The following GPHN variants were observed in gnomAD, a reference collection of about 807,000 sequenced individuals.
GPHN encodes the protein gephyrin.
Under a neutral mutation model 95.5 loss-of-function variants are expected in GPHN, and 17 were observed. The ratio of observed to expected loss-of-function variants is 0.18; its 90% CI spans 0.12 to 0.27. The LOEUF is 0.27. Ranked by LOEUF, GPHN falls within the 10% of genes least tolerant of loss-of-function variation. The probability of loss-of-function intolerance (pLI) is 1.00; values close to 1 mark genes in which losing one functional copy is unlikely to be tolerated. For missense variants in GPHN, 660 were observed against 978.1 expected, an observed-to-expected ratio of 0.67 and a Z score of 4.34; for synonymous variants, 320 against 322.5, an observed-to-expected ratio of 0.99 and a Z score of 0.08.
At chr14:66,601,064 CATACT>C (rs2062212841) in intron 1 of GPHN, among the ~76,000 whole-genome samples, 1 of 151,988 alleles carries the variant, frequency 6.6e-6, no homozygotes, top group African/African-American at 2.4e-5. Flanking sequence ...TATTATAACA[CATACT>C]ATACAATAAA....
intron 4 of GPHN, among the ~76,000 whole-genome samples, chr14:66,860,797 C>T (rs1397561044): frequency 6.6e-6 from 1 of 151,862 alleles, no homozygotes; most frequent in Non-Finnish European, 1.5e-5. Context: ...TTTCTATATG[C>T]AATCAATGTT....
chr14:67,231,317 T>C, the GPHN span, among the ~76,000 whole-genome samples: 1 of 152,232 alleles, frequency 6.6e-6, no homozygotes, highest in African/African-American at 2.4e-5. Flanking sequence ...TTTAAGGTGA[T>C]GAAAATGTTC....
At chr14:67,004,889 A>G (rs1484665900) in intron 9 of GPHN, among the ~76,000 whole-genome samples, 1 of 151,732 alleles carries the variant, frequency 6.6e-6, no homozygotes, top group African/African-American at 2.4e-5. Flanking sequence ...GCAAGGCATG[A>G]CATTACTCTT....
chr14:67,336,805 T>C, the GPHN span: 68 of 454,880 alleles, frequency 1.5e-4, no homozygotes, highest in Non-Finnish European at 4.9e-5. Context: ...AGTTGTTGGT[T>C]TTCCAGTCAT....
rs200896280 is a variant in GPHN at position 66,546,377 on chromosome 14, G to A, written c.64+37786G>A. ...CACTTCCCAGACGGGGTGGCGGCCG[G>A]GCAGAGGCTGCAATCTCGGCACTTT... is the stretch of plus-strand genomic sequence containing the variant. On this transcript the variant is annotated intron_variant, in intron 1 of 22. Coordinates refer to ENST00000478722, the MANE Select transcript of GPHN (RefSeq NM_020806.5). 1.8e-3 allele frequency among the ~76,000 whole-genome samples: 275 copies of A among 152,218 alleles called. 6 individuals are homozygous for A. The East Asian group carries it at 0.051, about 28-fold the overall frequency.
At chr14:66,878,253 A>T (rs2153532609) in intron 4 of GPHN, among the ~76,000 whole-genome samples, 1 of 152,326 alleles carries the variant, frequency 6.6e-6, no homozygotes, top group African/African-American at 2.4e-5. Context: ...TACATGTAAG[A>T]CCTAAAACTA....
chr14:67,390,651 A>G, the GPHN span: 4 of 1,584,054 alleles, frequency 2.5e-6, no homozygotes, highest in Non-Finnish European at 3.5e-6. Context: ...TGGAGCCAGC[A>G]TGCGCACTCA....
chr14:66,958,789 T>G (rs2068701972), intron 8 of GPHN, among the ~76,000 whole-genome samples: 1 of 152,226 alleles, frequency 6.6e-6, no homozygotes, highest in East Asian at 1.9e-4. Context: ...TATTTTTAAT[T>G]CATTCTGCCA....
chr14:67,186,712 C>A (rs929023833), downstream of GPHN, among the ~76,000 whole-genome samples: 1 of 152,192 alleles, frequency 6.6e-6, no homozygotes, highest in Non-Finnish European at 1.5e-5. Context: ...AACAGCAGGT[C>A]AACTAGAGGG....
At chr14:67,429,632 A>T in the GPHN span, among the ~76,000 whole-genome samples, 1 of 151,996 alleles carries the variant, frequency 6.6e-6, no homozygotes, top group African/African-American at 2.4e-5. Flanking sequence ...GCTACTCAGG[A>T]GGCTGAGGCA....
chr14:67,392,925 G>T, the GPHN span: 1 of 1,274,082 alleles, frequency 7.8e-7, no homozygotes, highest in South Asian at 1.4e-5. Flanking sequence ...TGACCTCACT[G>T]ACCTTGGCCC....
the GPHN span, chr14:67,657,163 T>G: frequency 6.6e-6 from 1 of 152,200 alleles, no homozygotes; most frequent in South Asian, 2.1e-4. Context: ...CTGGCCTGAC[T>G]CACTTGGCTT....
At chr14:66,921,023 C>T (rs141162001) in intron 6 of GPHN, among the ~76,000 whole-genome samples, 198 of 152,196 alleles carry the variant, frequency 1.3e-3, no homozygotes, top group East Asian at 2.9e-3. Flanking sequence ...GTTGGTTCCA[C>T]GATTTTGCAA....
the GPHN span, chr14:67,725,227 C>T: frequency 2.6e-5 from 42 of 1,613,540 alleles, no homozygotes; most frequent in South Asian, 3.3e-5. Context: ...CAAATCTATC[C>T]GAGCCTTTGC....
intron 4 of GPHN, among the ~76,000 whole-genome samples, chr14:66,840,339 C>A (rs185225711): frequency 1.9e-4 from 29 of 152,066 alleles, no homozygotes; most frequent in South Asian, 1.0e-3. Context: ...AGTATACATT[C>A]CCCCAAACAT....
At chr14:66,508,689 A>C in intron 1 of GPHN, 98 bp downstream of exon 1, 1 of 1,105,476 alleles carries the variant, frequency 9.0e-7, no homozygotes, top group Non-Finnish European at 1.4e-6. Flanking sequence ...CCTCGGGAGG[A>C]GGGAAGGCTG....
At chr14:66,587,004 A>T (rs1041911545) in intron 1 of GPHN, among the ~76,000 whole-genome samples, 5 of 152,184 alleles carry the variant, frequency 3.3e-5, no homozygotes, top group Non-Finnish European at 5.9e-5. Flanking sequence ...CTTTTAACTA[A>T]GAAAAATGAC....
the GPHN span, among the ~76,000 whole-genome samples, chr14:67,701,205 G>C: frequency 6.6e-6 from 1 of 151,848 alleles, no homozygotes; most frequent in East Asian, 1.9e-4. Flanking sequence ...AATTTTTTGA[G>C]ATATAAATTT....
At chr14:67,376,080 A>G in the GPHN span, among the ~76,000 whole-genome samples, 306 of 152,312 alleles carry the variant, frequency 2.0e-3, 2 homozygotes, top group Non-Finnish European at 3.3e-3. Flanking sequence ...TTCTCTCCTC[A>G]GGGAGTAATA....
Sources: gnomAD v4.1 joint callset for allele counts (sites outside exome capture counted in the v4.1 genomes callset) on GRCh38, gnomAD v4.1.1 for gene constraint, MANE v1.5 for transcripts, NCBI Gene and HGNC (gene_info 2026-07-23, HGNC 2026-07-21) for gene names.